MAST4: variants seen among roughly 807,000 people sequenced by gnomAD.
MAST4 encodes the protein microtubule-associated serine/threonine-protein kinase 4.
Under a neutral mutation model 162.7 loss-of-function variants are expected in MAST4, and 89 were observed. That is an observed-to-expected ratio of 0.55 (90% CI 0.46 to 0.65). MAST4 has a LOEUF of 0.65. MAST4 is among the 30% of genes least tolerant of loss of function. The pLI, the probability that MAST4 is intolerant of heterozygous loss-of-function variation, is 0.00. For synonymous variants in MAST4, 1,479 were observed against 1,361.1 expected (o/e 1.09, Z -1.91); for missense variants, 3,153 against 3,374.0 (o/e 0.93, Z 1.62).
chr5:66,847,845 A>G (rs1044016645), intron 3 of MAST4, among the ~76,000 whole-genome samples: 2 of 150,130 alleles, frequency 1.3e-5, no homozygotes, highest in Middle Eastern at 3.2e-3. Context: ...AAAAAAAAAG[A>G]AAAACCTTAA....
At position 66,744,934 on chromosome 5, in the gene MAST4, AG is replaced by A. The variant is rs550772485; in HGVS notation, c.364-14773del. On this transcript the variant is annotated intron_variant, in intron 1 of 28. Coordinates refer to ENST00000403625, the MANE Select transcript of MAST4 (RefSeq NM_001164664.2). The stretch of plus-strand genomic sequence containing the variant: ...TTGGCTTCGATGCATGTTATTGAAC[AG>A]GTCAACAATTGATTGTTTTCCTTTA... 1.3e-3 allele frequency among the ~76,000 whole-genome samples: 191 copies of A among 152,348 alleles called. 7 individuals carry two copies. The South Asian group carries it at 0.037, about 30-fold the overall frequency.
At chr5:67,154,035 T>C (rs1446902619) in intron 26 of MAST4, among the ~76,000 whole-genome samples, 1 of 152,228 alleles carries the variant, frequency 6.6e-6, no homozygotes, top group Non-Finnish European at 1.5e-5. Context: ...ACATGTACTA[T>C]AAATTATAAA....
chr5:67,140,541 A>G (rs1259308144), intron 19 of MAST4, among the ~76,000 whole-genome samples: 1 of 152,226 alleles, frequency 6.6e-6, no homozygotes, highest in African/African-American at 2.4e-5. Context: ...GTAGGAACAA[A>G]TTAAAGCATG....
At chr5:66,618,204 C>T (rs1204054873) in intron 1 of MAST4, among the ~76,000 whole-genome samples, 6 of 152,214 alleles carry the variant, frequency 3.9e-5, no homozygotes, top group African/African-American at 1.2e-4. Flanking sequence ...GCAGGAACTA[C>T]GCTAGATGTT....
chr5:67,137,998 CT>C (rs1221880221), intron 19 of MAST4, among the ~76,000 whole-genome samples: 1 of 152,172 alleles, frequency 6.6e-6, no homozygotes, highest in Non-Finnish European at 1.5e-5. Context: ...CACCTTGTGT[CT>C]TTTTTACCTT....
chr5:66,638,426 C>T (rs903723352), intron 1 of MAST4, among the ~76,000 whole-genome samples: 12 of 152,296 alleles, frequency 7.9e-5, no homozygotes, highest in African/African-American at 2.6e-4. Flanking sequence ...CCTCATTATA[C>T]CTCTGTAGGG....
chr5:66,728,012 G>T (rs1317474664), intron 1 of MAST4, among the ~76,000 whole-genome samples: 2 of 152,062 alleles, frequency 1.3e-5, no homozygotes. Context: ...AAATAACTCA[G>T]GTTTTTAAGC....
At chr5:66,809,485 G>A (rs973641583) in intron 3 of MAST4, among the ~76,000 whole-genome samples, 2 of 152,096 alleles carry the variant, frequency 1.3e-5, no homozygotes, top group African/African-American at 2.4e-5. Context: ...TTCCTTCATC[G>A]CTGCTGATTT....
intron 3 of MAST4, among the ~76,000 whole-genome samples, chr5:66,842,375 C>T (rs941590170): frequency 4.6e-5 from 7 of 152,106 alleles, no homozygotes; most frequent in Admixed American, 3.9e-4. Flanking sequence ...ACCTTTTTAC[C>T]TTTCTGCCTG....
intron 4 of MAST4, among the ~76,000 whole-genome samples, chr5:66,996,970 A>G (rs1328784950): frequency 6.6e-6 from 1 of 152,174 alleles, no homozygotes; most frequent in Admixed American, 6.5e-5. Flanking sequence ...GTTTTCTAAA[A>G]TTCTATTTTG....
intron 7 of MAST4, among the ~76,000 whole-genome samples, chr5:67,097,710 T>C (rs1362134226): frequency 1.3e-5 from 2 of 152,132 alleles, no homozygotes; most frequent in African/African-American, 4.8e-5. Context: ...TATCATATAA[T>C]TATTAGGCTC....
At chr5:67,139,113 T>C (rs1405140131) in intron 19 of MAST4, among the ~76,000 whole-genome samples, 1 of 152,224 alleles carries the variant, frequency 6.6e-6, no homozygotes, top group Admixed American at 6.5e-5. Flanking sequence ...ACCCAAGCTC[T>C]TAGAATTGTC....
At chr5:66,952,358 A>G (rs965911245) in intron 4 of MAST4, among the ~76,000 whole-genome samples, 5 of 152,184 alleles carry the variant, frequency 3.3e-5, no homozygotes, top group African/African-American at 9.6e-5. Flanking sequence ...ACACATACAG[A>G]TAGCCTCATA....
At chr5:66,705,958 G>GT (rs1336264083) in intron 1 of MAST4, among the ~76,000 whole-genome samples, 1 of 152,172 alleles carries the variant, frequency 6.6e-6, no homozygotes, top group African/African-American at 2.4e-5. Flanking sequence ...GTAAGGCGAA[G>GT]TAACTTTCCC....
intron 3 of MAST4, among the ~76,000 whole-genome samples, chr5:66,866,248 C>G (rs959078351): frequency 6.6e-6 from 1 of 152,122 alleles, no homozygotes; most frequent in African/African-American, 2.4e-5. Context: ...TGACTCACTT[C>G]TCAAGCTAAT....
At chr5:66,708,169 C>T (rs571109942) in intron 1 of MAST4, among the ~76,000 whole-genome samples, 1 of 152,330 alleles carries the variant, frequency 6.6e-6, no homozygotes, top group Non-Finnish European at 1.5e-5. Flanking sequence ...TGTGTGGCCT[C>T]TGTGTCTTGC....
chr5:66,693,241 G>T (rs1232342565), intron 1 of MAST4, among the ~76,000 whole-genome samples: 5 of 152,078 alleles, frequency 3.3e-5, no homozygotes, highest in Non-Finnish European at 7.4e-5. Context: ...GTAATCACAT[G>T]AATTATAAAT....
At chr5:66,633,197 G>C (rs535245080) in intron 1 of MAST4, among the ~76,000 whole-genome samples, 37 of 152,298 alleles carry the variant, frequency 2.4e-4, no homozygotes, top group African/African-American at 8.7e-4. Flanking sequence ...TGTCTGAAAA[G>C]ACCTTCAAGA....
chr5:66,898,132 C>G (rs1247724797), intron 3 of MAST4, among the ~76,000 whole-genome samples: 1 of 152,124 alleles, frequency 6.6e-6, no homozygotes, highest in Non-Finnish European at 1.5e-5. Context: ...TTGCTCTGCA[C>G]TAGTATCAAT....
Sources: gnomAD v4.1 joint callset for allele counts (sites outside exome capture counted in the v4.1 genomes callset) on GRCh38, gnomAD v4.1.1 for gene constraint, MANE v1.5 for transcripts, NCBI Gene and HGNC (gene_info 2026-07-23, HGNC 2026-07-21) for gene names.